Variants in ATP9B observed in about 807,000 individuals in gnomAD.
ATP9B encodes probable phospholipid-transporting ATPase IIB.
ATP9B carries 110 observed loss-of-function variants against 146.1 expected under a neutral mutation model. The ratio of observed to expected loss-of-function variants is 0.75; its 90% CI spans 0.65 to 0.88. The LOEUF is 0.88. Among genes scored for constraint, ATP9B ranks in the 40% least tolerant of loss-of-function variants. ATP9B has a pLI of 0.00. For missense variants in ATP9B, 1,499 were observed against 1,496.4 expected, an observed-to-expected ratio of 1.00 and a Z score of -0.03; for synonymous variants, 604 against 569.7, an observed-to-expected ratio of 1.06 and a Z score of -0.86.
chr18:79,173,457 T>G (rs1356087463), intron 7 of ATP9B, among the ~76,000 whole-genome samples: 2 of 152,032 alleles, frequency 1.3e-5, no homozygotes. Context: ...CCTAAAAGTT[T>G]TACATTGAGA....
intron 1 of ATP9B, among the ~76,000 whole-genome samples, chr18:79,076,938 A>G (rs564292560): frequency 1.3e-5 from 2 of 152,122 alleles, no homozygotes; most frequent in Non-Finnish European, 2.9e-5. Flanking sequence ...CCATCCATTA[A>G]GATTTTTAGT....
At chr18:79,303,738 G>GACCCTCCTGT (rs1197235149) in intron 14 of ATP9B, 22 bp downstream of exon 14, 1 of 1,583,526 alleles carries the variant, frequency 6.3e-7, no homozygotes, top group Non-Finnish European at 8.7e-7. Flanking sequence ...CCTCCTGCAC[G>GACCCTCCTGT]GGGTCTGCTT....
intron 13 of ATP9B, among the ~76,000 whole-genome samples, chr18:79,278,933 T>C (rs1330347014): frequency 3.3e-5 from 5 of 152,044 alleles, no homozygotes; most frequent in African/African-American, 9.7e-5. Flanking sequence ...TGGAAAACAG[T>C]TGGAATCAGT....
chr18:79,237,087 G>A (rs548515242), intron 11 of ATP9B, among the ~76,000 whole-genome samples: 2 of 41,962 alleles, frequency 4.8e-5, no homozygotes, highest in African/African-American at 2.3e-4. Context: ...GTCCGTGCAC[G>A]AGTCAGTGTC....
At chr18:79,084,479 C>G (rs921090687) in intron 1 of ATP9B, among the ~76,000 whole-genome samples, 2 of 151,414 alleles carry the variant, frequency 1.3e-5, no homozygotes, top group African/African-American at 4.9e-5. Context: ...TTGCTATAAA[C>G]TTAATTCACT....
Position 79,330,093 on chromosome 18 carries a change from CT to C in ATP9B, c.2018del (p.Leu673ArgfsTer23). The C allele has an allele frequency of 1.2e-6, 2 of 1,613,796 alleles. No homozygotes were observed. Among genetic ancestry groups the C allele is most frequent in the East Asian group, 4.5e-5 (2 of 44,876 alleles). Reference protein sequence around the residue: ...MSPIVQYNDWLEEECGNMARE... With the variant: ...MSPIVQYNDWXEEECGNMARE... ...TCCTATCGTGCAGTATAATGACTGGCTGGAAGAGGAGGTATGTGAGTGACTC... is the reference window on the plus strand; with the variant it reads ...TCCTATCGTGCAGTATAATGACTGGCGGAAGAGGAGGTATGTGAGTGACTC... On this transcript the variant is annotated frameshift_variant, in exon 17 of 30. Coordinates refer to ENST00000426216, the MANE Select transcript of ATP9B (RefSeq NM_198531.5). LOFTEE classifies it high-confidence loss of function.
intron 1 of ATP9B, among the ~76,000 whole-genome samples, chr18:79,076,769 C>T (rs1164748833): frequency 6.6e-6 from 1 of 152,146 alleles, no homozygotes; most frequent in Non-Finnish European, 1.5e-5. Context: ...TTCTTTTACC[C>T]TGGTGACACC....
chr18:79,125,237 TA>T (rs1329554055), intron 4 of ATP9B, among the ~76,000 whole-genome samples: 2 of 151,852 alleles, frequency 1.3e-5, no homozygotes, highest in Non-Finnish European at 2.9e-5. Flanking sequence ...GGCTCATGAT[TA>T]GGGGGAGAGC....
At chr18:79,293,672 G>A (rs1023866414) in intron 13 of ATP9B, among the ~76,000 whole-genome samples, 1 of 152,150 alleles carries the variant, frequency 6.6e-6, no homozygotes, top group South Asian at 2.1e-4. Flanking sequence ...CCAGTCTCAG[G>A]TATTTGGTTA....
At chr18:79,238,228 G>C (rs1441738746) in intron 11 of ATP9B, among the ~76,000 whole-genome samples, 1 of 151,474 alleles carries the variant, frequency 6.6e-6, no homozygotes, top group Admixed American at 6.6e-5. Context: ...ACCATGACTG[G>C]ATAAGTGATC....
Position 79,336,611 on chromosome 18 carries a change from G to T in ATP9B, c.2029-17G>T. ...GCTCTGCAGGGCCCACCTGTGACTCGGCCTCTCCTTTTCCAGTGCGGAAAC... is the reference window on the plus strand; with the variant it reads ...GCTCTGCAGGGCCCACCTGTGACTCTGCCTCTCCTTTTCCAGTGCGGAAAC... On this transcript the variant is annotated splice_polypyrimidine_tract_variant and intron_variant, in intron 17 of 29. Transcript: ENST00000426216. The T allele has an allele frequency of 6.2e-7, 1 of 1,612,856 alleles. No homozygotes were observed.
chr18:79,165,059 A>G (rs1167166521), intron 7 of ATP9B, among the ~76,000 whole-genome samples: 2 of 152,226 alleles, frequency 1.3e-5, no homozygotes, highest in South Asian at 2.1e-4. Flanking sequence ...ACAACTAGCT[A>G]CCATGATACG....
chr18:79,350,675 C>T (rs901677673), intron 25 of ATP9B, among the ~76,000 whole-genome samples: 2 of 151,996 alleles, frequency 1.3e-5, no homozygotes, highest in African/African-American at 4.8e-5. Context: ...GTACTTCAAA[C>T]AAAGGTGAAA....
chr18:79,154,458 G>A (rs1009621973), intron 6 of ATP9B, 46 bp from the exon 7 acceptor site: 3 of 1,348,140 alleles, frequency 2.2e-6, no homozygotes, highest in African/African-American at 3.1e-5. Context: ...GTGTTAATTT[G>A]TAAACCTGCA....
chr18:79,140,742 T>C (rs1372198147), intron 5 of ATP9B, among the ~76,000 whole-genome samples: 1 of 152,130 alleles, frequency 6.6e-6, no homozygotes, highest in Non-Finnish European at 1.5e-5. Flanking sequence ...ATCGCACCAC[T>C]GCACTCCAGC....
chr18:79,347,621 T>C, intron 23 of ATP9B, 149 bp from the exon 24 acceptor site: 1 of 928,896 alleles, frequency 1.1e-6, no homozygotes, highest in Non-Finnish European at 1.5e-6. Context: ...CCATAGGACC[T>C]GTCCCCATCG....
intron 11 of ATP9B, among the ~76,000 whole-genome samples, chr18:79,224,258 A>G (rs780344260): frequency 3.3e-5 from 5 of 152,170 alleles, no homozygotes; most frequent in Non-Finnish European, 7.3e-5. Context: ...AAATGTATGG[A>G]CCTTGTGATA....
chr18:79,131,156 G>A (rs571154899), intron 5 of ATP9B, among the ~76,000 whole-genome samples: 51 of 151,694 alleles, frequency 3.4e-4, no homozygotes, highest in African/African-American at 1.2e-3. Context: ...GCAAGACTCC[G>A]TCTCAAAAAA....
intron 11 of ATP9B, among the ~76,000 whole-genome samples, chr18:79,233,094 C>T (rs1357233333): frequency 6.6e-6 from 1 of 152,098 alleles, no homozygotes; most frequent in Non-Finnish European, 1.5e-5. Flanking sequence ...GAGATCAAGA[C>T]CAGCCTGGGC....
Sources: gnomAD v4.1 joint callset for allele counts (sites outside exome capture counted in the v4.1 genomes callset) on GRCh38, gnomAD v4.1.1 for gene constraint, MANE v1.5 for transcripts, NCBI Gene and HGNC (gene_info 2026-07-23, HGNC 2026-07-21) for gene names.